The following SCN3A variants were observed in gnomAD, a reference collection of about 807,000 sequenced individuals.
SCN3A encodes sodium channel protein type 3 subunit alpha.
Under a neutral mutation model 187.6 loss-of-function variants are expected in SCN3A, and 60 were observed. That is an observed-to-expected ratio of 0.32 (90% CI 0.26 to 0.40). The LOEUF is 0.40. SCN3A is among the 10% of genes least tolerant of loss of function. The pLI is 1.00. For synonymous variants in SCN3A, 788 were observed against 829.2 expected, an observed-to-expected ratio of 0.95 and a Z score of 0.85; for missense variants, 1,601 against 2,428.2, an observed-to-expected ratio of 0.66 and a Z score of 7.16.
chr2:165,180,220 C>T (rs367917049), intron 2 of SCN3A, among the ~76,000 whole-genome samples: 16 of 151,976 alleles, frequency 1.1e-4, no homozygotes, highest in Admixed American at 5.2e-4. Flanking sequence ...GAAAGGATCT[C>T]GAAATCATTT....
At position 165,113,710 on chromosome 2, in the gene SCN3A, A is replaced by C. The variant is rs1348723764; in HGVS notation, c.3669+106T>G. Reference sequence around the variant, plus strand: ...GGGTGCCAAGCTCTGCAAGACACAGATATGCCTTTTCTTTTGATTCTGAAG... The same window carrying C: ...GGGTGCCAAGCTCTGCAAGACACAGCTATGCCTTTTCTTTTGATTCTGAAG... On this transcript the variant is annotated intron_variant, in intron 20 of 27. Coordinates refer to ENST00000283254, the MANE Select transcript of SCN3A (RefSeq NM_006922.4). 3.2e-6 allele frequency: 4 copies of C among 1,234,488 alleles called. No homozygotes were observed. The Admixed American group carries it at 5.1e-5, about 16-fold the overall frequency. 76.5% of individuals were successfully genotyped at this position (1,234,488 alleles called of 1,614,324 possible). A position where few individuals can be genotyped will look rare whatever the true frequency, so the allele number is the denominator to read the frequency against.
intron 24 of SCN3A, 23 bp downstream of exon 24, chr2:165,096,444 A>T (rs749669145): frequency 6.3e-7 from 1 of 1,588,732 alleles, no homozygotes; most frequent in Non-Finnish European, 8.6e-7. Flanking sequence ...AGAACCTATA[A>T]ATAATATTTG....
In SCN3A at chr2:165,131,366, C is replaced by T. The variant is rs755440336; in HGVS notation, c.2443G>A (p.Asp815Asn). The change falls in exon 16 of 28, where the codon GAT becomes AAT. Residue 815 changes from aspartate to asparagine, a missense_variant. Asp to Asn is a conservative substitution (Grantham distance 23, BLOSUM62 1). Around this residue, in one of 11 missense-constraint regions of SCN3A, gnomAD observed 376 missense variants for 476.0 expected, o/e 0.79. Transcript: ENST00000283254. The stretch of plus-strand genomic sequence containing the variant: ...CCTTCTTGGAAATAGTAATAAGGAT[C>T]CATGGCAATGATCTTGAGAACCATT... ...AEMVLKIIAM[D>N]PYYYFQEGWN... The T allele has an allele frequency of 8.1e-6, 13 of 1,607,534 alleles. No individual in the cohort carries two copies. The African/African-American group carries it at 1.7e-4, about 22-fold the overall frequency.
chr2:165,140,812 G>A lies in SCN3A; in HGVS notation c.1858C>T (p.Arg620Ter), dbSNP rs1288869563. Reference protein sequence around the residue: ...SLFVPHRHGERRNSNVSQASM... With the variant: ...SLFVPHRHGE ...GCCTGACTAACGTTACTGTTGCGTC[G>A]CTCTCCATGTCTGTGCGGCACAAAC... Residue 620 changes from arginine (R) to a stop codon, truncating the protein, a stop_gained, in exon 13 of 28, where the codon CGA becomes TGA. Transcript: ENST00000283254. LOFTEE classifies it high-confidence loss of function. The surrounding 1 kb of genome is among the most constrained non-coding windows in gnomAD (Gnocchi z 4.2). The A allele has an allele frequency of 1.2e-6, 2 of 1,614,034 alleles. No individual in the cohort carries two copies. Among genetic ancestry groups the A allele is most frequent in the South Asian group, 1.1e-5 (1 of 91,078 alleles).
chr2:165,134,766 C>T (rs995087001), intron 15 of SCN3A, among the ~76,000 whole-genome samples: 1 of 151,712 alleles, frequency 6.6e-6, no homozygotes, highest in African/African-American at 2.4e-5. Context: ...CTTTTAGAAG[C>T]AGCTATTATT....
intron 12 of SCN3A, among the ~76,000 whole-genome samples, chr2:165,141,600 G>T (rs1465463855): frequency 2.0e-5 from 3 of 152,102 alleles, no homozygotes; most frequent in Admixed American, 2.0e-4. Context: ...TACCCACATG[G>T]GAACAGAAGT....
In SCN3A at chr2:165,204,002, A is replaced by G. The variant is rs1406028020; in HGVS notation, c.-427T>C. On this transcript the variant is annotated 5_prime_UTR_variant, in exon 1 of 28. Coordinates refer to ENST00000283254, the MANE Select transcript of SCN3A (RefSeq NM_006922.4). ...TTCTTTCTCTGTGGATAAGAAAACA[A>G]AGAGACCTTTCCAGAATCCTCTCTG... 1 of 150,636 alleles carries G rather than the reference A, an allele frequency of 6.6e-6. No homozygotes were observed. Among genetic ancestry groups the G allele is most frequent in the East Asian group, 1.9e-4 (1 of 5,144 alleles). The allele number at this position is 150,636 out of a possible 1,614,324, so 9.3% of individuals were successfully genotyped here.
At chr2:165,197,280 C>G (rs1339616703) in intron 1 of SCN3A, among the ~76,000 whole-genome samples, 1 of 152,102 alleles carries the variant, frequency 6.6e-6, no homozygotes, top group African/African-American at 2.4e-5. Context: ...TTTCACTTCC[C>G]TAGCCAAGTT....
At chr2:165,184,490 A>G (rs914594646) in intron 2 of SCN3A, among the ~76,000 whole-genome samples, 2 of 142,112 alleles carry the variant, frequency 1.4e-5, no homozygotes, top group Non-Finnish European at 3.0e-5. Flanking sequence ...TCAGAAAAAA[A>G]AAAAAAAAAG....
At chr2:165,123,306 A>G (rs1159439629) in intron 18 of SCN3A, among the ~76,000 whole-genome samples, 2 of 152,206 alleles carry the variant, frequency 1.3e-5, no homozygotes, top group Admixed American at 6.5e-5. Context: ...TGTAATATAT[A>G]TACACACATA....
chr2:165,124,600 C>A (rs146557378), intron 18 of SCN3A, among the ~76,000 whole-genome samples: 7 of 152,192 alleles, frequency 4.6e-5, no homozygotes, highest in South Asian at 2.1e-4. Context: ...TATTTTTAAA[C>A]CCTGACCTCT....
chr2:165,177,646 C>G lies in SCN3A; in HGVS notation c.-50-1202G>C, dbSNP rs186187797. ...GAGAAGTGCAGTGTATAGAGGCACA[C>G]TCACACATGCCGATCACCTGGATGA... is the stretch of plus-strand genomic sequence containing the variant. On this transcript the variant is annotated intron_variant, in intron 2 of 27. Coordinates refer to ENST00000283254, the MANE Select transcript of SCN3A (RefSeq NM_006922.4). Among the ~76,000 whole-genome samples the G allele has an allele frequency of 1.5e-3, 222 of 152,202 alleles. 1 individual carries two copies. Among genetic ancestry groups the G allele is most frequent in the Admixed American group, 0.014 (221 of 15,284 alleles).
chr2:165,088,548 G>A lies in SCN3A; in HGVS notation c.*1602C>T, dbSNP rs1684939987. On this transcript the variant is annotated 3_prime_UTR_variant, in exon 28 of 28. Coordinates refer to ENST00000283254, the MANE Select transcript of SCN3A (RefSeq NM_006922.4). Reference sequence around the variant, plus strand: ...TGTTTGACCAATGTATCTCCTATTGGAATGGTAGAAAATATATTATAACAA... The same window carrying A: ...TGTTTGACCAATGTATCTCCTATTGAAATGGTAGAAAATATATTATAACAA... 1 of 152,398 alleles carries A rather than the reference G, an allele frequency of 6.6e-6. No individual in the cohort carries two copies. Among genetic ancestry groups the A allele is most frequent in the African/African-American group, 2.4e-5 (1 of 41,394 alleles). 9.4% of individuals were successfully genotyped at this position (152,398 alleles called of 1,614,324 possible).
At chr2:165,197,445 C>T (rs1032039430) in intron 1 of SCN3A, among the ~76,000 whole-genome samples, 2 of 152,026 alleles carry the variant, frequency 1.3e-5, no homozygotes, top group African/African-American at 4.8e-5. Context: ...AAGGTGGAGC[C>T]AAGCATTGCT....
intron 18 of SCN3A, among the ~76,000 whole-genome samples, 164 bp downstream of exon 18, chr2:165,127,467 C>A (rs1250954321): frequency 6.6e-6 from 1 of 152,178 alleles, no homozygotes; most frequent in Non-Finnish European, 1.5e-5. Context: ...TTTTAGAAAT[C>A]CATTTCCCAA....
In SCN3A at chr2:165,092,054, G is replaced by A. The variant is rs1685131425; in HGVS notation, c.4807+200C>T. 3 of 612,194 alleles carry A rather than the reference G, an allele frequency of 4.9e-6. No homozygotes were observed. The Admixed American group carries it at 8.5e-5, about 17-fold the overall frequency. 37.9% of individuals were successfully genotyped at this position (612,194 alleles called of 1,614,324 possible). Reference sequence around the variant, plus strand: ...CTTCTTCACCTCTTTCCCAAATCTGGTATTCCTAACATGGTTTCTAACTAG... The same window carrying A: ...CTTCTTCACCTCTTTCCCAAATCTGATATTCCTAACATGGTTTCTAACTAG... On this transcript the variant is annotated intron_variant, in intron 27 of 27. Transcript: ENST00000283254. This position sits in a 1 kb window ranked among gnomAD's most constrained non-coding sequence, Gnocchi z 4.2.
rs113001563 is a variant in SCN3A, at chr2:165,182,775, G to A, written c.-51+3776C>T. Reference sequence around the variant, plus strand: ...GGATATAGAATTAAAATATGGATCTGAGACTCAGAAAGCTGTCTGGGCTCG... The same window carrying A: ...GGATATAGAATTAAAATATGGATCTAAGACTCAGAAAGCTGTCTGGGCTCG... On this transcript the variant is annotated intron_variant, in intron 2 of 27. Transcript: ENST00000283254. Among the ~76,000 whole-genome samples the A allele has an allele frequency of 7.4e-3, 1,121 of 152,196 alleles. 14 individuals are homozygous for A. The highest frequency in any genetic ancestry group is 0.021 in the African/African-American group (858 of 41,528).
chr2:165,168,199 T>C (rs1689891026), intron 5 of SCN3A, among the ~76,000 whole-genome samples: 1 of 152,112 alleles, frequency 6.6e-6, no homozygotes, highest in African/African-American at 2.4e-5. Context: ...AACACAGTTT[T>C]ATGGAAGACA....
rs199843155 is a variant in SCN3A, at chr2:165,106,941, CACTCATTT to C, written c.3843+5936_3843+5943del. 6.2e-3 allele frequency among the ~76,000 whole-genome samples: 950 copies of C among 152,218 alleles called. 18 individuals carry two copies. Among genetic ancestry groups the C allele is most frequent in the African/African-American group, 0.021 (857 of 41,542 alleles). On this transcript the variant is annotated intron_variant, in intron 21 of 27. Coordinates refer to ENST00000283254, the MANE Select transcript of SCN3A (RefSeq NM_006922.4). ...GCTGAAGAGGAGGGGCGAGACTGTC[CACTCATTT>C]ATTAGTCAATAAAATGGAGAAGAAC...
Sources: allele counts gnomAD v4.1 joint callset (sites outside exome capture counted in the v4.1 genomes callset), GRCh38; gene constraint gnomAD v4.1.1; regional missense constraint gnomAD v4.1.1; non-coding constraint Gnocchi (gnomAD v3.1); transcripts MANE v1.5; gene names NCBI Gene and HGNC (gene_info 2026-07-23, HGNC 2026-07-21).